NCOA5: variants seen among roughly 807,000 people sequenced by gnomAD.
The protein encoded by NCOA5 is NCoA-5.
A neutral mutation model predicts 59.0 loss-of-function variants in NCOA5; 12 were observed. The observed-to-expected ratio is 0.20, with a 90% CI of 0.13 to 0.33. The LOEUF is 0.33. NCOA5 is among the 10% of genes least tolerant of loss of function. The pLI, the probability that NCOA5 is intolerant of heterozygous loss-of-function variation, is 1.00. For missense variants in NCOA5, 655 were observed against 766.6 expected, an observed-to-expected ratio of 0.85 and a Z score of 1.72; for synonymous variants, 270 against 275.5, an observed-to-expected ratio of 0.98 and a Z score of 0.20.
At chr20:46,064,047 A>G (rs951870869) in intron 6 of NCOA5, among the ~76,000 whole-genome samples, 4 of 152,238 alleles carry the variant, frequency 2.6e-5, no homozygotes, top group African/African-American at 7.2e-5. Context: ...GGAGGCCAAC[A>G]GGCCCCTCTG....
At chr20:46,081,771 G>A (rs2084994377) in intron 1 of NCOA5, among the ~76,000 whole-genome samples, 1 of 151,092 alleles carries the variant, frequency 6.6e-6, no homozygotes, top group Admixed American at 6.6e-5. Flanking sequence ...ATGAGACCTG[G>A]ATTTTTTTTT....
chr20:46,081,361 C>A (rs1220911220), intron 1 of NCOA5, among the ~76,000 whole-genome samples: 1 of 152,062 alleles, frequency 6.6e-6, no homozygotes, highest in Admixed American at 6.5e-5. Flanking sequence ...TAATTATAGC[C>A]AGTTTCGTGA....
intron 5 of NCOA5, among the ~76,000 whole-genome samples, chr20:46,065,531 T>C (rs2084814272): frequency 1.3e-5 from 2 of 152,194 alleles, no homozygotes; most frequent in Non-Finnish European, 2.9e-5. Context: ...GGCACTTATC[T>C]CTTTTTGGGT....
intron 1 of NCOA5, among the ~76,000 whole-genome samples, chr20:46,086,218 T>C (rs556482552): frequency 6.6e-6 from 1 of 152,310 alleles, no homozygotes; most frequent in South Asian, 2.1e-4. Context: ...GACAAGACAC[T>C]CTGTTTTCTA....
intron 2 of NCOA5, among the ~76,000 whole-genome samples, chr20:46,072,000 C>T (rs897363568): frequency 1.3e-5 from 2 of 152,196 alleles, no homozygotes; most frequent in Non-Finnish European, 2.9e-5. Context: ...TCCTCCAGTC[C>T]TTCCCATCTC....
intron 5 of NCOA5, among the ~76,000 whole-genome samples, chr20:46,065,456 G>C (rs1297827889): frequency 1.3e-5 from 2 of 152,132 alleles, no homozygotes; most frequent in Admixed American, 6.5e-5. Flanking sequence ...TGATACCCAG[G>C]TCCTTCTCTT....
intron 3 of NCOA5, among the ~76,000 whole-genome samples, chr20:46,069,860 T>C (rs1393383484): frequency 6.6e-6 from 1 of 152,202 alleles, no homozygotes; most frequent in Non-Finnish European, 1.5e-5. Context: ...TTGTTTTGAG[T>C]GTATACTCAG....
In NCOA5 at chr20:46,062,045, C is replaced by A. The variant is rs914608407; in HGVS notation, c.*255G>T. 7 of 356,338 alleles carry A rather than the reference C, an allele frequency of 2.0e-5. No individual in the cohort carries two copies. The East Asian group carries it at 3.2e-4, about 16-fold the overall frequency. The allele number at this position is 356,338 out of a possible 1,614,324, so 22.1% of individuals were successfully genotyped here. The stretch of plus-strand genomic sequence containing the variant: ...ACCCCATCAAATACAAGCCCAGACA[C>A]CTGTACTGCCCCCGGAGATATTTAT... On this transcript the variant is annotated 3_prime_UTR_variant, in exon 8 of 8. Coordinates refer to ENST00000290231, the MANE Select transcript of NCOA5 (RefSeq NM_020967.3).
In NCOA5 at chr20:46,062,379, A is replaced by T; in HGVS notation, c.1661T>A (p.Leu554His). The change falls in exon 8 of 8, where the codon CTC (leucine) becomes CAC (histidine). Residue 554 changes from leucine (L) to histidine (H), a missense_variant. By Grantham distance (99) the Leu-to-His change is moderately conservative. Around this residue, in one of 3 missense-constraint regions of NCOA5, gnomAD observed 325 missense variants for 353.2 expected, o/e 0.92. Transcript: ENST00000290231. ...LDTLIQSGPA[L>H]SHLVSQTTAQ... Reference sequence around the variant, plus strand: ...TGTGGTCTGGCTAACCAGGTGGGAGAGAGCAGGGCCACTCTGGATCAGGGT... The same window carrying T: ...TGTGGTCTGGCTAACCAGGTGGGAGTGAGCAGGGCCACTCTGGATCAGGGT... 1.2e-6 allele frequency: 2 copies of T among 1,614,082 alleles called. No homozygotes were observed. Among genetic ancestry groups the T allele is most frequent in the Non-Finnish European group, 1.7e-6 (2 of 1,180,022 alleles).
chr20:46,070,664 G>T, intron 2 of NCOA5, 128 bp from the exon 3 acceptor site: 1 of 808,002 alleles, frequency 1.2e-6, no homozygotes, highest in Non-Finnish European at 2.0e-6. Context: ...AACAGAACAT[G>T]ACTCAACATT....
At chr20:46,088,779 G>C (rs1445859104) in intron 1 of NCOA5, among the ~76,000 whole-genome samples, 4 of 152,210 alleles carry the variant, frequency 2.6e-5, no homozygotes, top group African/African-American at 9.7e-5. Flanking sequence ...AAAATTCTGT[G>C]CACAGAGTGC....
At chr20:46,068,093 G>C (rs2084843130) in intron 4 of NCOA5, among the ~76,000 whole-genome samples, 1 of 152,070 alleles carries the variant, frequency 6.6e-6, no homozygotes, top group African/African-American at 2.4e-5. Flanking sequence ...ACTGCACCAA[G>C]ACAATTTTTG....
intron 5 of NCOA5, 144 bp from the exon 6 acceptor site, chr20:46,065,372 A>T: frequency 1.3e-6 from 1 of 762,544 alleles, no homozygotes; most frequent in South Asian, 1.7e-5. Context: ...CTAGACCAAT[A>T]CTCTCTCTCT....
At chr20:46,084,124 A>G (rs762342230) in intron 1 of NCOA5, among the ~76,000 whole-genome samples, 1 of 152,218 alleles carries the variant, frequency 6.6e-6, no homozygotes, top group Non-Finnish European at 1.5e-5. Context: ...TACTAAGAAC[A>G]TTATGTGTAT....
chr20:46,089,146 T>TGCCCCGCGCCGGGAGCTTGGAAAGC (rs1385758884), intron 1 of NCOA5, among the ~76,000 whole-genome samples: 20 of 152,332 alleles, frequency 1.3e-4, no homozygotes, highest in African/African-American at 4.8e-4. Context: ...GAGCGGACAG[T>TGCCCCGCGCCGGGAGCTTGGAAAGC]GCCCCGCGCC....
At chr20:46,080,859 C>G (rs550964954) in intron 1 of NCOA5, among the ~76,000 whole-genome samples, 1 of 152,142 alleles carries the variant, frequency 6.6e-6, no homozygotes, top group African/African-American at 2.4e-5. Context: ...AATATCTGAC[C>G]ATAGCTTTGC....
At chr20:46,076,746 T>C (rs2084942282) in intron 2 of NCOA5, among the ~76,000 whole-genome samples, 1 of 152,110 alleles carries the variant, frequency 6.6e-6, no homozygotes, top group African/African-American at 2.4e-5. Flanking sequence ...AGATGGATTG[T>C]TAATGGAATT....
Position 46,070,267 on chromosome 20 carries a change from C to T in NCOA5, c.308G>A (p.Arg103Gln), listed in dbSNP as rs76102550. 6.2e-6 allele frequency: 10 copies of T among 1,614,060 alleles called. No homozygotes were observed. The East Asian group carries it at 6.7e-5, about 11-fold the overall frequency. Reference sequence around the variant, plus strand: ...TCTGTATCTGTCGTACATGGGGTCTCGCTGATCTCGAAAATCCCTAGAGTC... The same window carrying T: ...TCTGTATCTGTCGTACATGGGGTCTTGCTGATCTCGAAAATCCCTAGAGTC... ...LRDSRDFRDQ[R>Q]DPMYDRYRDM... The change falls in exon 3 of 8, where the codon CGA (arginine) becomes CAA (glutamine). Residue 103 changes from arginine (R) to glutamine (Q), a missense_variant. This residue lies in a region of NCOA5 where 250 missense variants were observed against 260.1 expected (regional missense o/e 0.96). Coordinates refer to ENST00000290231, the MANE Select transcript of NCOA5 (RefSeq NM_020967.3).
At chr20:46,086,987 C>T (rs1288424483) in intron 1 of NCOA5, among the ~76,000 whole-genome samples, 1 of 152,188 alleles carries the variant, frequency 6.6e-6, no homozygotes, top group Non-Finnish European at 1.5e-5. Context: ...CAATTATCTC[C>T]AATGATGTCT....
Sources: gnomAD v4.1 joint callset for allele counts (sites outside exome capture counted in the v4.1 genomes callset) on GRCh38, gnomAD v4.1.1 for gene constraint, gnomAD v4.1.1 regional missense constraint, MANE v1.5 for transcripts, NCBI Gene and HGNC (gene_info 2026-07-23, HGNC 2026-07-21) for gene names.